DNAH9: variants seen among roughly 807,000 people sequenced by gnomAD.
The protein encoded by DNAH9 is dynein axonemal heavy chain 9.
Under a neutral mutation model 471.6 loss-of-function variants are expected in DNAH9, and 345 were observed. The observed-to-expected ratio is 0.73, with a 90% CI of 0.67 to 0.80. The LOEUF (loss-of-function observed/expected upper bound fraction) is 0.80, where lower values mean the gene tolerates loss of function less well. DNAH9 is among the 30% of genes least tolerant of loss of function. DNAH9 has a pLI of 0.00. For synonymous variants in DNAH9, 2,093 were observed against 2,123.6 expected (o/e 0.99, Z 0.40); for missense variants, 5,407 against 5,609.2 (o/e 0.96, Z 1.15).
chr17:11,749,512 A>G (rs1378458313), intron 32 of DNAH9, among the ~76,000 whole-genome samples: 3 of 151,786 alleles, frequency 2.0e-5, no homozygotes. Flanking sequence ...AAAGGAAATT[A>G]TGCCTGTCTA....
chr17:11,745,487 C>T lies in DNAH9; in HGVS notation c.6399+403C>T, dbSNP rs952538229. 1.3e-4 allele frequency among the ~76,000 whole-genome samples: 20 copies of T among 152,168 alleles called. 1 individual carries two copies. Among genetic ancestry groups the T allele is most frequent in the Non-Finnish European group, 2.9e-5 (2 of 68,028 alleles). ...CCAAAACCAGCAGAGGAGAATACCC[C>T]TCCCAGCCTCCTGGAAAACACAGCA... is the stretch of plus-strand genomic sequence containing the variant. On this transcript the variant is annotated intron_variant, in intron 31 of 68. Transcript: ENST00000262442.
intron 58 of DNAH9, among the ~76,000 whole-genome samples, chr17:11,893,305 T>A (rs1597796949): frequency 6.6e-6 from 1 of 152,144 alleles, no homozygotes; most frequent in South Asian, 2.1e-4. Flanking sequence ...CTTTTTCCAT[T>A]TCCTACTCCA....
chr17:11,710,109 G>A (rs963276315), intron 26 of DNAH9, among the ~76,000 whole-genome samples: 1 of 152,134 alleles, frequency 6.6e-6, no homozygotes, highest in East Asian at 1.9e-4. Context: ...CATGTAGAAT[G>A]TTGAAAACTG....
At position 11,738,977 on chromosome 17, in the gene DNAH9, C is replaced by G. The variant is rs1182308750; in HGVS notation, c.5912C>G (p.Thr1971Ser). Residue 1971 changes from threonine to serine, a missense_variant, in exon 29 of 69, where the codon ACC becomes AGC. Physicochemically the swap from Thr to Ser is moderately conservative, Grantham distance 58. This residue lies in a region of DNAH9 where 4,636 missense variants were observed against 4,900.3 expected (regional missense o/e 0.95). Transcript: ENST00000262442. ...SLNPSVGIFI[T>S]MNPGYAGRTE... is the part of the protein sequence containing the mutation. The stretch of plus-strand genomic sequence containing the variant: ...AATCCTTCTGTCGGTATCTTCATCA[C>G]CATGAACCCAGGCTATGCTGGCCGC... The G allele has an allele frequency of 1.2e-6, 2 of 1,613,998 alleles. No homozygotes were observed. Among genetic ancestry groups the G allele is most frequent in the Non-Finnish European group, 1.7e-6 (2 of 1,179,964 alleles).
At chr17:11,815,379 G>A (rs186010009) in intron 45 of DNAH9, among the ~76,000 whole-genome samples, 2 of 152,064 alleles carry the variant, frequency 1.3e-5, no homozygotes, top group African/African-American at 4.8e-5. Flanking sequence ...CACTACCACT[G>A]GTTTTGCCTT....
chr17:11,953,264 T>G (rs1018572015), intron 67 of DNAH9, among the ~76,000 whole-genome samples: 3 of 152,090 alleles, frequency 2.0e-5, no homozygotes, highest in African/African-American at 7.2e-5. Flanking sequence ...TGACTTACCG[T>G]TGGAGCATGC....
chr17:11,759,497 A>G (rs1192801848), intron 35 of DNAH9, among the ~76,000 whole-genome samples: 5 of 148,866 alleles, frequency 3.4e-5, no homozygotes, highest in African/African-American at 9.9e-5. Context: ...TGTGATATAC[A>G]TAGGTATATA....
rs1319591040 is a variant in DNAH9, at chr17:11,629,578, A to G, written c.1512A>G (p.Gln504=). The G allele has an allele frequency of 6.2e-7, 1 of 1,613,302 alleles. No homozygotes were observed. Among genetic ancestry groups the G allele is most frequent in the Admixed American group, 1.7e-5 (1 of 59,994 alleles). Residue 504 remains glutamine, a synonymous_variant, in exon 7 of 69, where the codon CAA becomes CAG. Coordinates refer to ENST00000262442, the MANE Select transcript of DNAH9 (RefSeq NM_001372.4). The part of the protein sequence containing the change: ...SGSSSDCLYL[Q]STDFENDVSE... ...CCTCCTCCGACTGCCTGTACCTCCA[A>G]AGCACGGTAGGGTTGGGAAGGGCTG... is the stretch of plus-strand genomic sequence containing the variant.
In DNAH9 at chr17:11,669,157, A is replaced by AGG. The variant is rs778149067; in HGVS notation, c.2830_2831dup (p.Phe945ValfsTer56). ...TATCCGTCTCTGGAGTCTGGAGTGA[A>AGG]GGGGGGTTTCTGTGACATTGTTGAG... On this transcript the variant is annotated frameshift_variant, in exon 16 of 69. Coordinates refer to ENST00000262442, the MANE Select transcript of DNAH9 (RefSeq NM_001372.4). LOFTEE classifies it high-confidence loss of function. The AGG allele has an allele frequency of 3.2e-5, 52 of 1,613,650 alleles. No individual in the cohort carries two copies. The highest frequency in any genetic ancestry group is 4.1e-5 in the Non-Finnish European group (48 of 1,179,740).
intron 61 of DNAH9, among the ~76,000 whole-genome samples, chr17:11,913,790 AAAAAG>A (rs1232375182): frequency 2.0e-5 from 3 of 152,012 alleles, no homozygotes; most frequent in Non-Finnish European, 2.9e-5. Flanking sequence ...TCAAAAAAAA[AAAAAG>A]AAAAGAAAAA....
chr17:11,807,810 C>T lies in DNAH9; in HGVS notation c.8499C>T (p.Ser2833=). 1 of 1,614,054 alleles carries T rather than the reference C, an allele frequency of 6.2e-7. No individual in the cohort carries two copies. Among genetic ancestry groups the T allele is most frequent in the Non-Finnish European group, 8.5e-7 (1 of 1,179,962 alleles). The stretch of plus-strand genomic sequence containing the variant: ...GTGTAGGTGGGAGCGGCAAGCAGAG[C>T]CTGACAAGGCTGGCAGCTTTCATCA... ...LVGVGGSGKQ[S]LTRLAAFISS... Residue 2833 remains serine (S), a synonymous_variant, in exon 44 of 69, where the codon AGC becomes AGT. Transcript: ENST00000262442.
chr17:11,624,857 A>G (rs2072942183), intron 6 of DNAH9, among the ~76,000 whole-genome samples: 1 of 152,104 alleles, frequency 6.6e-6, no homozygotes, highest in South Asian at 2.1e-4. Flanking sequence ...TTTGCCATAC[A>G]ATTTCTAGGT....
intron 43 of DNAH9, among the ~76,000 whole-genome samples, chr17:11,800,074 TAC>T (rs1050453932): frequency 6.6e-6 from 1 of 152,226 alleles, no homozygotes; most frequent in African/African-American, 2.4e-5. Context: ...ATAACTGCAT[TAC>T]ACATTTTCCT....
intron 48 of DNAH9, among the ~76,000 whole-genome samples, chr17:11,829,410 AATG>A (rs1292417709): frequency 1.3e-5 from 2 of 152,222 alleles, no homozygotes; most frequent in African/African-American, 4.8e-5. Flanking sequence ...TAATTGTAAT[AATG>A]ATGAAAATTA....
At position 11,871,737 on chromosome 17, in the gene DNAH9, G is replaced by A. The variant is rs763238622; in HGVS notation, c.10193G>A (p.Arg3398Gln). ...CTTGGCTTCTTCACAAAGAAATACC[G>A]GCAGAGCCTCCTGGACAGAACTTGG... The part of the protein sequence containing the change: ...SYLGFFTKKY[R>Q]QSLLDRTWRP... The change falls in exon 52 of 69, where the codon CGG becomes CAG. Residue 3398 changes from arginine (R) to glutamine (Q), a missense_variant. Around this residue, in one of 3 missense-constraint regions of DNAH9, gnomAD observed 4,636 missense variants for 4,900.3 expected, o/e 0.95. Transcript: ENST00000262442. The A allele has an allele frequency of 3.7e-5, 59 of 1,614,040 alleles. No homozygotes were observed. Among genetic ancestry groups the A allele is most frequent in the Non-Finnish European group, 4.4e-5 (52 of 1,180,024 alleles).
intron 43 of DNAH9, among the ~76,000 whole-genome samples, chr17:11,799,544 T>C (rs887577650): frequency 2.0e-5 from 3 of 151,936 alleles, no homozygotes; most frequent in Non-Finnish European, 4.4e-5. Context: ...TTTCTTGTCA[T>C]TGTATCCACA....
chr17:11,748,875 C>T (rs113381397), intron 32 of DNAH9, among the ~76,000 whole-genome samples: 66 of 152,150 alleles, frequency 4.3e-4, no homozygotes, highest in African/African-American at 9.2e-4. Flanking sequence ...TGACCACATC[C>T]GGGTCAAACT....
chr17:11,906,295 A>G (rs1445620849), intron 61 of DNAH9, among the ~76,000 whole-genome samples: 1 of 152,216 alleles, frequency 6.6e-6, no homozygotes, highest in African/African-American at 2.4e-5. Flanking sequence ...AAGACATGGA[A>G]TCAACCTCAA....
intron 45 of DNAH9, among the ~76,000 whole-genome samples, chr17:11,812,491 T>C (rs1969963701): frequency 6.6e-6 from 1 of 152,158 alleles, no homozygotes; most frequent in Non-Finnish European, 1.5e-5. Context: ...TTTGGAATCA[T>C]TGTCTGCTTC....
Sources: allele counts gnomAD v4.1 joint callset (sites outside exome capture counted in the v4.1 genomes callset), GRCh38; gene constraint gnomAD v4.1.1; regional missense constraint gnomAD v4.1.1; transcripts MANE v1.5; gene names NCBI Gene and HGNC (gene_info 2026-07-23, HGNC 2026-07-21).